CRNKL1: variants seen among roughly 807,000 people sequenced by gnomAD.
CRNKL1 encodes crooked neck-like protein 1.
Under a neutral mutation model 103.7 loss-of-function variants are expected in CRNKL1, and 35 were observed. That is an observed-to-expected ratio of 0.34 (90% CI 0.26 to 0.45). The LOEUF (loss-of-function observed/expected upper bound fraction) is 0.45. CRNKL1 is among the 20% of genes least tolerant of loss of function. The pLI is 1.00. For synonymous variants in CRNKL1, 267 were observed against 282.6 expected (o/e 0.94, Z 0.55); for missense variants, 645 against 836.0 (o/e 0.77, Z 2.82).
At chr20:20,040,460 C>T (rs930814800) in intron 10 of CRNKL1, among the ~76,000 whole-genome samples, 6 of 152,084 alleles carry the variant, frequency 3.9e-5, no homozygotes, top group South Asian at 2.1e-4. Flanking sequence ...ATAGAAGTTT[C>T]CAATATTGAA....
chr20:20,052,253 C>A, intron 1 of CRNKL1, 39 bp downstream of exon 1: 1 of 1,561,712 alleles, frequency 6.4e-7, no homozygotes, highest in Non-Finnish European at 8.7e-7. Context: ...ATGCCCCTTT[C>A]CTAGGCCACC....
At chr20:20,052,885 C>T (rs1192984639), upstream of CRNKL1, 4 of 662,232 alleles carry the variant, frequency 6.0e-6, no homozygotes, top group Non-Finnish European at 1.0e-5. Context: ...GGTCCACGCC[C>T]CCTCGTTTCT....
At chr20:20,041,529 G>A in intron 9 of CRNKL1, 37 bp downstream of exon 9, 4 of 1,497,888 alleles carry the variant, frequency 2.7e-6, no homozygotes, top group Non-Finnish European at 2.8e-6. Flanking sequence ...AGAGGATTCT[G>A]ACCTGTTTGA....
intron 13 of CRNKL1, 36 bp downstream of exon 13, chr20:20,037,287 G>A (rs1320333379): frequency 6.3e-7 from 1 of 1,598,194 alleles, no homozygotes; most frequent in Non-Finnish European, 8.5e-7. Context: ...CTACTCATGT[G>A]ACGTGAGATG....
At chr20:20,037,801 T>A (rs1358846108) in intron 12 of CRNKL1, among the ~76,000 whole-genome samples, 1 of 152,184 alleles carries the variant, frequency 6.6e-6, no homozygotes. Context: ...GAAAAGAGTT[T>A]AACTTGGCTG....
chr20:20,037,247 A>C lies in CRNKL1; in HGVS notation c.1896+76T>G, dbSNP rs934167423. On this transcript the variant is annotated intron_variant, in intron 13 of 13. Coordinates refer to ENST00000536226, the MANE Select transcript of CRNKL1 (RefSeq NM_001278628.2). ...TCTAAGATTGTACATATGCCACTTA[A>C]AAGTCCACATTTCGACGTCAGAAGT... 2.3e-5 allele frequency: 35 copies of C among 1,527,120 alleles called. No homozygotes were observed. The South Asian group carries it at 3.5e-4, about 15-fold the overall frequency. The allele number at this position is 1,527,120 out of a possible 1,614,324, so 94.6% of individuals were successfully genotyped here.
chr20:20,037,682 T>A, intron 12 of CRNKL1, 111 bp from the exon 13 acceptor site: 1 of 964,098 alleles, frequency 1.0e-6, no homozygotes, highest in South Asian at 1.7e-5. Context: ...AATGTGTGCA[T>A]CACTAATGTT....
Position 20,041,593 on chromosome 20 carries a change from G to A in CRNKL1, c.1197C>T (p.Ala399=). 6.2e-7 allele frequency: 1 copy of A among 1,613,674 alleles called. No homozygotes were observed. Among genetic ancestry groups the A allele is most frequent in the Non-Finnish European group, 8.5e-7 (1 of 1,179,668 alleles). The part of the protein sequence containing the change: ...DPERTRQVYQ[A]SLELIPHKKF... ...TTTTGTGAGGAATTAGTTCCAAAGAGGCTTGATACACCTGTCTTGTCCTCT... is the reference window on the plus strand; with the variant it reads ...TTTTGTGAGGAATTAGTTCCAAAGAAGCTTGATACACCTGTCTTGTCCTCT... Residue 399 remains alanine, a synonymous_variant, in exon 9 of 14, where the codon GCC becomes GCT. Coordinates refer to ENST00000536226, the MANE Select transcript of CRNKL1 (RefSeq NM_001278628.2).
Position 20,042,571 on chromosome 20 carries a change from C to T in CRNKL1, c.973-55G>A, listed in dbSNP as rs911038146. On this transcript the variant is annotated intron_variant, in intron 7 of 13. Transcript: ENST00000536226. ...AAACAAAACCAAGAGCTGCACTTGC[C>T]AGGTTAAGCAAGCTGAAAAAAGGCA... 85 of 1,509,902 alleles carry T rather than the reference C, an allele frequency of 5.6e-5. No homozygotes were observed. The South Asian group carries it at 5.7e-4, about 10-fold the overall frequency. The allele number at this position is 1,509,902 out of a possible 1,614,324, so 93.5% of individuals were successfully genotyped here. A position where few individuals can be genotyped will look rare whatever the true frequency, so the allele number is the denominator to read the frequency against.
upstream of CRNKL1, chr20:20,055,910 G>A (rs1323008469): frequency 1.4e-6 from 2 of 1,465,398 alleles, no homozygotes; most frequent in Non-Finnish European, 9.5e-7. Flanking sequence ...CAGAAATTGA[G>A]ACAATGAGAG....
chr20:20,052,009 G>T (rs2043758395), intron 1 of CRNKL1, among the ~76,000 whole-genome samples: 2 of 152,096 alleles, frequency 1.3e-5, no homozygotes, highest in African/African-American at 4.8e-5. Context: ...GCGTACGAGC[G>T]TAGCTTCCCA....
chr20:20,050,424 T>A, intron 2 of CRNKL1, 46 bp downstream of exon 2: 5 of 1,570,642 alleles, frequency 3.2e-6, no homozygotes, highest in Non-Finnish European at 4.3e-6. Flanking sequence ...AACTGACCGA[T>A]ACAGTCTTAA....
intron 13 of CRNKL1, 87 bp from the exon 14 acceptor site, chr20:20,036,449 GAT>G: frequency 8.1e-7 from 1 of 1,233,168 alleles, no homozygotes; most frequent in Non-Finnish European, 1.2e-6. Context: ...AAATCCGGAT[GAT>G]TACCTCCATT....
chr20:20,048,306 G>A (rs908274461), intron 4 of CRNKL1, 37 bp downstream of exon 4: 3 of 1,606,516 alleles, frequency 1.9e-6, no homozygotes, highest in Admixed American at 1.7e-5. Flanking sequence ...AACTTTGCTA[G>A]TCTATAAAAG....
At chr20:20,052,524 T>A, upstream of CRNKL1, 1 of 1,614,232 alleles carries the variant, frequency 6.2e-7, no homozygotes, top group African/African-American at 1.3e-5. Flanking sequence ...ACCGTTTCCA[T>A]GGTGACCAGG....
chr20:20,042,623 C>A lies in CRNKL1; in HGVS notation c.973-107G>T, dbSNP rs574804376. On this transcript the variant is annotated intron_variant, in intron 7 of 13. Coordinates refer to ENST00000536226, the MANE Select transcript of CRNKL1 (RefSeq NM_001278628.2). ...CAGGCTGACTTTCTATATTTTAGCACCTTTTCTTCTAAATGTTACATGTTC... is the reference window on the plus strand; with the variant it reads ...CAGGCTGACTTTCTATATTTTAGCAACTTTTCTTCTAAATGTTACATGTTC... 18 of 967,350 alleles carry A rather than the reference C, an allele frequency of 1.9e-5. No homozygotes were observed. In the South Asian group the frequency reaches 3.0e-4, roughly 16 times the overall value. The allele number at this position is 967,350 out of a possible 1,614,324, so 59.9% of individuals were successfully genotyped here.
intron 5 of CRNKL1, among the ~76,000 whole-genome samples, chr20:20,046,700 CA>C (rs760799212): frequency 2.6e-5 from 4 of 152,188 alleles, no homozygotes; most frequent in Non-Finnish European, 5.9e-5. Context: ...GACAGGGATT[CA>C]AACTCCCCGA....
At chr20:20,038,480 TGACATTTACAA>T in intron 11 of CRNKL1, 30 bp from the exon 12 acceptor site, 1 of 1,332,286 alleles carries the variant, frequency 7.5e-7, no homozygotes, top group South Asian at 1.3e-5. Flanking sequence ...GGGTCAGTCT[TGACATTTACAA>T]AGCAGCATGC....
chr20:20,048,043 C>A, intron 4 of CRNKL1, 112 bp from the exon 5 acceptor site: 1 of 1,291,462 alleles, frequency 7.7e-7, no homozygotes. Flanking sequence ...CATGTTTTGT[C>A]ATTTGTATGT....
Sources: allele counts gnomAD v4.1 joint callset (sites outside exome capture counted in the v4.1 genomes callset), GRCh38; gene constraint gnomAD v4.1.1; transcripts MANE v1.5; gene names NCBI Gene and HGNC (gene_info 2026-07-23, HGNC 2026-07-21).